CTNS: variants seen among roughly 807,000 people sequenced by gnomAD.
CTNS encodes the protein cystinosin.
CTNS carries 27 observed loss-of-function variants against 43.7 expected under a neutral mutation model. The ratio of observed to expected loss-of-function variants is 0.62; its 90% confidence interval spans 0.46 to 0.85. CTNS has a LOEUF of 0.85. CTNS is among the 40% of genes least tolerant of loss of function. CTNS has a pLI of 0.00. For synonymous variants in CTNS, 187 were observed against 190.6 expected (o/e 0.98, Z 0.16); for missense variants, 457 against 475.4 (o/e 0.96, Z 0.36).
intron 10 of CTNS, among the ~76,000 whole-genome samples, 195 bp from the exon 11 acceptor site, chr17:3,659,663 C>T (rs942196104): frequency 3.9e-5 from 6 of 152,210 alleles, no homozygotes; most frequent in Non-Finnish European, 1.5e-5. Flanking sequence ...GCAGATGAGA[C>T]GCCTACCCCC....
chr17:3,650,462 T>A (rs1327229314), intron 5 of CTNS: 1 of 1,044,654 alleles, frequency 9.6e-7, no homozygotes, highest in Non-Finnish European at 1.3e-6. Flanking sequence ...AGCCTGAGTG[T>A]TGGAGCAAGA....
Position 3,642,859 on chromosome 17 carries a change from T to C in CTNS, c.61+2592T>C, listed in dbSNP as rs78626973. On this transcript the variant is annotated intron_variant, in intron 3 of 11. Transcript: ENST00000046640. ...TTCAGACTTGTCTGTCTCTGACTTC[T>C]CTGGGTGGAATCTTGAGGCAGTGCA... 8.4e-3 allele frequency among the ~76,000 whole-genome samples: 1,285 copies of C among 152,278 alleles called. 16 individuals carry two copies. Among genetic ancestry groups the C allele is most frequent in the Non-Finnish European group, 0.012 (818 of 68,004 alleles).
intron 2 of CTNS, among the ~76,000 whole-genome samples, chr17:3,639,299 C>G (rs551581): frequency 0.43 from 64,621 of 151,866 alleles, 14,431 homozygotes; most frequent in Non-Finnish European, 0.49. Context: ...AAACCAAGGA[C>G]TTGCTCTGGG....
rs114724281 is a variant in CTNS at position 3,650,288 on chromosome 17, G to A, written c.225+1357G>A. On this transcript the variant is annotated intron_variant, in intron 5 of 11. Coordinates refer to ENST00000046640, the MANE Select transcript of CTNS (RefSeq NM_004937.3). Reference sequence around the variant, plus strand: ...TAGGAAGCAAACAGGAGTGAAACACGATCAGTCTCCAGCATGTGGGAACCT... The same window carrying A: ...TAGGAAGCAAACAGGAGTGAAACACAATCAGTCTCCAGCATGTGGGAACCT... 3,453 of 1,550,058 alleles carry A rather than the reference G, an allele frequency of 2.2e-3. 84 individuals are homozygous for A. In the African/African-American group the frequency reaches 0.043, roughly 19 times the overall value.
intron 3 of CTNS, among the ~76,000 whole-genome samples, chr17:3,645,535 G>A (rs7217190): frequency 0.23 from 34,649 of 151,898 alleles, 4,814 homozygotes; most frequent in East Asian, 0.5. Flanking sequence ...GTATTGAGGC[G>A]GAGAATCAGA....
chr17:3,654,887 G>A (rs2076087418), intron 5 of CTNS, 111 bp from the exon 6 acceptor site: 2 of 828,262 alleles, frequency 2.4e-6, no homozygotes, highest in Admixed American at 1.7e-5. Context: ...GGAAGGTGAG[G>A]CTGCGGGTGG....
chr17:3,636,485 G>A (rs2075532664), upstream of CTNS: 1 of 445,216 alleles, frequency 2.2e-6, no homozygotes, highest in South Asian at 3.6e-5. Context: ...GCCCAATGGA[G>A]GGCGGTCTGA....
chr17:3,649,049 T>G, intron 5 of CTNS, 118 bp downstream of exon 5: 2 of 862,542 alleles, frequency 2.3e-6, no homozygotes, highest in East Asian at 2.6e-5. Flanking sequence ...CCTAGAAATC[T>G]GTGATTTTGG....
chr17:3,640,967 G>A (rs2075672756), intron 3 of CTNS, among the ~76,000 whole-genome samples: 1 of 152,076 alleles, frequency 6.6e-6, no homozygotes. Flanking sequence ...AGAGAGTCTT[G>A]GGTCCTGGGA....
chr17:3,648,684 C>A (rs2075902461), intron 4 of CTNS, among the ~76,000 whole-genome samples, 163 bp from the exon 5 acceptor site: 1 of 152,200 alleles, frequency 6.6e-6, no homozygotes, highest in Admixed American at 6.5e-5. Context: ...ACAGGAAGGC[C>A]TACGGGAGCA....
intron 5 of CTNS, among the ~76,000 whole-genome samples, chr17:3,649,549 T>G (rs2075928029): frequency 6.6e-6 from 1 of 151,542 alleles, no homozygotes; most frequent in African/African-American, 2.4e-5. Context: ...GAACACAGCA[T>G]CTCAGGCCCC....
chr17:3,648,536 C>T (rs368173389), intron 4 of CTNS, among the ~76,000 whole-genome samples: 3 of 152,234 alleles, frequency 2.0e-5, no homozygotes, highest in Admixed American at 2.0e-4. Context: ...ACCCGACTCT[C>T]TGGGAAGCCT....
At position 3,660,774 on chromosome 17, in the gene CTNS, G is replaced by T; in HGVS notation, c.*405G>T. 1 of 1,611,750 alleles carries T rather than the reference G, an allele frequency of 6.2e-7. No homozygotes were observed. The highest frequency in any genetic ancestry group is 8.5e-7 in the Non-Finnish European group (1 of 1,179,372). The stretch of plus-strand genomic sequence containing the variant: ...GAGCCAAGGGCACTTTGCTGCCACC[G>T]CTGCATTCCCAGAGATCAAGCAGCC... On this transcript the variant is annotated 3_prime_UTR_variant, in exon 12 of 12. Transcript: ENST00000046640.
chr17:3,640,818 T>G (rs912189470), intron 3 of CTNS, among the ~76,000 whole-genome samples: 1 of 152,138 alleles, frequency 6.6e-6, no homozygotes, highest in Non-Finnish European at 1.5e-5. Context: ...GCAGGAAGAT[T>G]GCCTGAGCCC....
At chr17:3,641,363 T>G (rs1001609877) in intron 3 of CTNS, among the ~76,000 whole-genome samples, 3,194 of 16,876 alleles carry the variant, frequency 0.19, 237 homozygotes, top group Non-Finnish European at 0.25. Context: ...CAGATACATA[T>G]ATATATATAT....
chr17:3,646,008 A>T (rs1268315365), intron 3 of CTNS, among the ~76,000 whole-genome samples: 1 of 151,996 alleles, frequency 6.6e-6, no homozygotes, highest in Non-Finnish European at 1.5e-5. Context: ...TGGGTCGGGG[A>T]ACCGGGCATG....
chr17:3,639,390 A>G (rs1462149952), intron 2 of CTNS, among the ~76,000 whole-genome samples: 2 of 152,026 alleles, frequency 1.3e-5, no homozygotes, highest in Admixed American at 6.6e-5. Context: ...AAGTCTTGAC[A>G]GGCGCGGTGG....
rs760956872 is a variant in CTNS at position 3,660,576 on chromosome 17, G to A, written c.*207G>A. ...CTCCTGGGCCTCCCCGGCCAGGCAC[G>A]TGGCACCGTCGCCTTGACACCGCCA... On this transcript the variant is annotated 3_prime_UTR_variant, in exon 12 of 12. Coordinates refer to ENST00000046640, the MANE Select transcript of CTNS (RefSeq NM_004937.3). The A allele has an allele frequency of 3.8e-5, 61 of 1,613,192 alleles. No homozygotes were observed. In the South Asian group the frequency reaches 5.2e-4, roughly 14 times the overall value.
intron 8 of CTNS, 36 bp from the exon 9 acceptor site, chr17:3,656,640 C>T (rs1292387937): frequency 6.2e-7 from 1 of 1,612,580 alleles, no homozygotes; most frequent in Admixed American, 1.7e-5. Flanking sequence ...GGCCCGGCTG[C>T]CCCTCACCAC....
Sources: gnomAD v4.1 joint callset for allele counts (sites outside exome capture counted in the v4.1 genomes callset) on GRCh38, gnomAD v4.1.1 for gene constraint, MANE v1.5 for transcripts, NCBI Gene and HGNC (gene_info 2026-07-23, HGNC 2026-07-21) for gene names.